Variants in RIMS1 observed in about 807,000 individuals in gnomAD.
RIMS1 encodes the protein regulating synaptic membrane exocytosis protein 1.
A neutral mutation model predicts 214.1 loss-of-function variants in RIMS1; 83 were observed. That is an observed-to-expected ratio of 0.39 (90% CI 0.32 to 0.47). The LOEUF is 0.47. RIMS1 is among the 20% of genes least tolerant of loss of function. The probability of loss-of-function intolerance (pLI) is 0.99; values close to 1 mark genes in which losing one functional copy is unlikely to be tolerated. For synonymous variants in RIMS1, 793 were observed against 786.8 expected, an observed-to-expected ratio of 1.01 and a Z score of -0.13; for missense variants, 2,050 against 2,161.8, an observed-to-expected ratio of 0.95 and a Z score of 1.03.
chr6:72,134,836 T>C (rs1008155512), intron 4 of RIMS1, among the ~76,000 whole-genome samples: 1 of 152,042 alleles, frequency 6.6e-6, no homozygotes, highest in African/African-American at 2.4e-5. Flanking sequence ...ACACACTTAA[T>C]GGATAGACAA....
At chr6:72,010,443 A>C (rs1442801104) in intron 2 of RIMS1, among the ~76,000 whole-genome samples, 1 of 152,110 alleles carries the variant, frequency 6.6e-6, no homozygotes, top group Non-Finnish European at 1.5e-5. Context: ...CCTCTCTCAC[A>C]GCTCCTATTC....
At chr6:71,928,163 T>C (rs1782066954) in intron 1 of RIMS1, among the ~76,000 whole-genome samples, 1 of 152,146 alleles carries the variant, frequency 6.6e-6, no homozygotes, top group African/African-American at 2.4e-5. Context: ...TCTTTGCATA[T>C]ATAAACAAAT....
chr6:72,260,928 T>C, intron 19 of RIMS1, 161 bp downstream of exon 19: 1 of 1,470,990 alleles, frequency 6.8e-7, no homozygotes, highest in Non-Finnish European at 9.0e-7. Flanking sequence ...TGGAAAAGGT[T>C]CCAAATATAT....
intron 29 of RIMS1, among the ~76,000 whole-genome samples, chr6:72,343,653 T>C (rs1483897317): frequency 1.3e-5 from 2 of 151,422 alleles, no homozygotes; most frequent in African/African-American, 4.8e-5. Context: ...TTTTATTTTT[T>C]TTGCTTTGGC....
intron 1 of RIMS1, among the ~76,000 whole-genome samples, chr6:71,954,898 G>A (rs1375938585): frequency 1.4e-5 from 2 of 140,242 alleles, no homozygotes; most frequent in African/African-American, 5.5e-5. Context: ...CACACACCTA[G>A]AGGTGACTAC....
At chr6:72,342,005 A>T (rs1267126216) in intron 29 of RIMS1, among the ~76,000 whole-genome samples, 1 of 151,814 alleles carries the variant, frequency 6.6e-6, no homozygotes, top group African/African-American at 2.4e-5. Flanking sequence ...TGTGTTAAAA[A>T]TCACTTGTAT....
chr6:72,092,787 T>A (rs2153797196), intron 2 of RIMS1, among the ~76,000 whole-genome samples: 1 of 152,240 alleles, frequency 6.6e-6, no homozygotes, highest in East Asian at 1.9e-4. Flanking sequence ...CCCTGGTGGC[T>A]GTCTTCCTTA....
chr6:72,044,035 A>G (rs1374571460), intron 2 of RIMS1, among the ~76,000 whole-genome samples: 1 of 151,542 alleles, frequency 6.6e-6, no homozygotes, highest in Non-Finnish European at 1.5e-5. Flanking sequence ...TTATTAAAGG[A>G]TTTATTAAAA....
intron 29 of RIMS1, among the ~76,000 whole-genome samples, chr6:72,353,276 C>T (rs937154136): frequency 2.0e-5 from 3 of 152,148 alleles, no homozygotes; most frequent in South Asian, 2.1e-4. Context: ...TGAGCCACCA[C>T]GTCCGGCTGA....
Position 72,182,992 on chromosome 6 carries a change from G to C in RIMS1, c.1521G>C (p.Glu507Asp). The change falls in exon 6 of 34, where the codon GAG (glutamate) becomes GAC (aspartate). Residue 507 changes from glutamate (E) to aspartate (D), a missense_variant. Around this residue, in one of 6 missense-constraint regions of RIMS1, gnomAD observed 882 missense variants for 828.9 expected, o/e 1.06. Transcript: ENST00000521978. ...ACTCTTTGAGCTCAGACCAGTCCGA[G>C]TCGGTGCGGCCGTCCCCGCCCAAGC... ...RNDSLSSDQS[E>D]SVRPSPPKPH... 6.3e-7 allele frequency: 1 copy of C among 1,594,080 alleles called. No homozygotes were observed.
At chr6:72,384,243 C>A (rs1314015622) in intron 29 of RIMS1, among the ~76,000 whole-genome samples, 2 of 152,164 alleles carry the variant, frequency 1.3e-5, no homozygotes, top group East Asian at 3.9e-4. Context: ...AGGACAACCT[C>A]CCCTAATACT....
At chr6:72,366,660 A>G (rs2098035064) in intron 29 of RIMS1, 3 of 961,328 alleles carry the variant, frequency 3.1e-6, no homozygotes, top group Non-Finnish European at 3.7e-6. Flanking sequence ...TATTCTGTAT[A>G]TGCATGAGAA....
intron 6 of RIMS1, among the ~76,000 whole-genome samples, chr6:72,229,412 A>G (rs1367757832): frequency 6.6e-6 from 1 of 151,904 alleles, no homozygotes; most frequent in Non-Finnish European, 1.5e-5. Context: ...ACACTTTAAT[A>G]TTTTATAGAT....
Position 72,211,649 on chromosome 6 carries a change from G to C in RIMS1, c.1679-22124G>C, listed in dbSNP as rs184780147. Among the ~76,000 whole-genome samples, 372 of 152,160 alleles carry C rather than the reference G, an allele frequency of 2.4e-3. 1 individual carries two copies. Among genetic ancestry groups the C allele is most frequent in the Middle Eastern group, 0.021 (6 of 292 alleles). On this transcript the variant is annotated intron_variant, in intron 6 of 33. Coordinates refer to ENST00000521978, the MANE Select transcript of RIMS1 (RefSeq NM_014989.7). ...TACATTATTGATTATTACTTCAAAG[G>C]ATACTTGTAGGAGATTTGTGATTTG... is the stretch of plus-strand genomic sequence containing the variant.
At chr6:72,010,813 T>G (rs1392753155) in intron 2 of RIMS1, among the ~76,000 whole-genome samples, 2 of 152,108 alleles carry the variant, frequency 1.3e-5, no homozygotes, top group African/African-American at 4.8e-5. Flanking sequence ...AAACCACTGC[T>G]CAATGAAATA....
In RIMS1 at chr6:72,260,692, C is replaced by A. The variant is rs1364011388; in HGVS notation, c.3054-13C>A. On this transcript the variant is annotated splice_polypyrimidine_tract_variant and intron_variant, in intron 18 of 33. Coordinates refer to ENST00000521978, the MANE Select transcript of RIMS1 (RefSeq NM_014989.7). ...TTTATCTGTTTCACTCACCACCCAT[C>A]CTGTCTGTGCAGTGAGCTTCTTATG... 1 of 1,612,066 alleles carries A rather than the reference C, an allele frequency of 6.2e-7. No individual in the cohort carries two copies. Among genetic ancestry groups the A allele is most frequent in the South Asian group, 1.1e-5 (1 of 90,866 alleles).
rs774958376 is a variant in RIMS1 at position 72,179,811 on chromosome 6, C to T, written c.708C>T (p.Ser236=). ...AASSQDAAPP[S]APPDRSKGAE... ...CCTCCCAGGATGCTGCTCCTCCCAG[C>T]GCACCACCAGACAGGAGCAAAGGGG... The change falls in exon 5 of 34, where the codon AGC becomes AGT. Residue 236 remains serine (S), a synonymous_variant. Coordinates refer to ENST00000521978, the MANE Select transcript of RIMS1 (RefSeq NM_014989.7). 1.7e-5 allele frequency: 27 copies of T among 1,613,524 alleles called. No individual in the cohort carries two copies. The highest frequency in any genetic ancestry group is 1.3e-4 in the Admixed American group (8 of 59,992).
intron 1 of RIMS1, among the ~76,000 whole-genome samples, chr6:71,904,199 C>T (rs780211707): frequency 6.6e-6 from 1 of 152,126 alleles, no homozygotes; most frequent in Non-Finnish European, 1.5e-5. Context: ...TTTCCCATTT[C>T]ATGGTTGCAG....
At chr6:72,011,895 G>C (rs1810768375) in intron 2 of RIMS1, among the ~76,000 whole-genome samples, 2 of 152,180 alleles carry the variant, frequency 1.3e-5, no homozygotes, top group Non-Finnish European at 2.9e-5. Context: ...CGGTAAACTA[G>C]CTCAACCATT....
Sources: allele counts gnomAD v4.1 joint callset (sites outside exome capture counted in the v4.1 genomes callset), GRCh38; gene constraint gnomAD v4.1.1; regional missense constraint gnomAD v4.1.1; transcripts MANE v1.5; gene names NCBI Gene and HGNC (gene_info 2026-07-23, HGNC 2026-07-21).